The following SCLY variants were observed in gnomAD, a reference collection of about 807,000 sequenced individuals.
SCLY encodes the protein putative selenocysteine lyase.
Under a neutral mutation model 50.1 loss-of-function variants are expected in SCLY, and 38 were observed. The ratio of observed to expected loss-of-function variants is 0.76; its 90% CI spans 0.59 to 0.99. The LOEUF (loss-of-function observed/expected upper bound fraction) is 0.99. SCLY is among the 50% of genes least tolerant of loss of function. The pLI is 0.00. For missense variants in SCLY, 600 were observed against 620.0 expected, an observed-to-expected ratio of 0.97 and a Z score of 0.34; for synonymous variants, 243 against 249.4, an observed-to-expected ratio of 0.97 and a Z score of 0.24.
chr2:238,082,992 G>T, intron 6 of SCLY: 1 of 539,980 alleles, frequency 1.9e-6, no homozygotes, highest in Non-Finnish European at 3.6e-6. Context: ...ATGATGCGCA[G>T]GGGAGAGCTG....
chr2:238,074,205 C>G (rs911130569), intron 4 of SCLY, among the ~76,000 whole-genome samples: 3 of 151,762 alleles, frequency 2.0e-5, no homozygotes, highest in Admixed American at 1.3e-4. Flanking sequence ...ACTTGGGAGG[C>G]TGAGGCAGGA....
At chr2:238,073,396 A>T (rs1326897153) in intron 4 of SCLY, among the ~76,000 whole-genome samples, 1 of 151,766 alleles carries the variant, frequency 6.6e-6, no homozygotes. Flanking sequence ...GCAAAAATCT[A>T]GCTAGGAGTT....
intron 4 of SCLY, among the ~76,000 whole-genome samples, chr2:238,077,189 C>CATTT (rs1284198715): frequency 6.6e-6 from 1 of 152,118 alleles, no homozygotes; most frequent in East Asian, 1.9e-4. Context: ...GGTGCACATA[C>CATTT]ATTTATATTT....
Position 238,069,364 on chromosome 2 carries a change from C to A in SCLY, c.371C>A (p.Thr124Lys). Residue 124 changes from threonine (T) to lysine (K), a missense_variant, in exon 4 of 12, where the codon ACA (threonine) becomes AAA (lysine). Coordinates refer to ENST00000254663, the MANE Select transcript of SCLY (RefSeq NM_016510.7). The surrounding 1 kb of genome is among the most constrained non-coding windows in gnomAD (Gnocchi z 5.0). ...FHANQTSKGHTGGHHSPVKGA... is the reference protein window; with the variant it reads ...FHANQTSKGHKGGHHSPVKGA... ...GCAAACCAGACCTCAAAGGGACACACAGGTGGGCACCACAGCCCAGTGAAG... is the reference window on the plus strand; with the variant it reads ...GCAAACCAGACCTCAAAGGGACACAAAGGTGGGCACCACAGCCCAGTGAAG... The A allele has an allele frequency of 6.2e-7, 1 of 1,614,176 alleles. No homozygotes were observed. The highest frequency in any genetic ancestry group is 8.5e-7 in the Non-Finnish European group (1 of 1,180,002).
intron 1 of SCLY, among the ~76,000 whole-genome samples, chr2:238,062,741 T>C (rs1005602519): frequency 2.0e-5 from 3 of 152,214 alleles, no homozygotes; most frequent in Admixed American, 2.0e-4. Flanking sequence ...GAAAAGATGC[T>C]TCATTTCAAC....
intron 1 of SCLY, among the ~76,000 whole-genome samples, chr2:238,062,729 C>T (rs1164861758): frequency 1.3e-5 from 2 of 152,220 alleles, no homozygotes; most frequent in Non-Finnish European, 2.9e-5. Context: ...TGATTTTGAA[C>T]AGAAAAGATG....
Position 238,064,481 on chromosome 2 carries a change from A to G in SCLY, c.202+12A>G, listed in dbSNP as rs1408736518. 1.6e-5 allele frequency: 25 copies of G among 1,582,984 alleles called. No homozygotes were observed. Among genetic ancestry groups the G allele is most frequent in the Non-Finnish European group, 2.2e-5 (25 of 1,159,032 alleles). On this transcript the variant is annotated intron_variant, in intron 2 of 11. Transcript: ENST00000254663. ...CCCGTATTCAGCAGGTAATTCTAGA[A>G]GATGCACGTGTTCACTGATGGGAGA...
At chr2:238,093,765 CA>C (rs1422509453) in intron 8 of SCLY, 95 bp from the exon 9 acceptor site, 1 of 1,097,434 alleles carries the variant, frequency 9.1e-7, no homozygotes, top group East Asian at 2.6e-5. Flanking sequence ...GGAGAATGAG[CA>C]GTTTCAGGAA....
chr2:238,098,195 T>TC lies in SCLY; in HGVS notation c.1185-3dup, dbSNP rs769520267. 6.8e-7 allele frequency: 1 copy of TC among 1,475,046 alleles called. No homozygotes were observed. Among genetic ancestry groups the TC allele is most frequent in the Non-Finnish European group, 9.2e-7 (1 of 1,092,276 alleles). 91.4% of individuals were successfully genotyped at this position (1,475,046 alleles called of 1,614,324 possible). On this transcript the variant is annotated splice_polypyrimidine_tract_variant and splice_region_variant and intron_variant, in intron 11 of 11. Transcript: ENST00000254663. The stretch of plus-strand genomic sequence containing the variant: ...CAGCAGCTGCAGCTCGGTCTCGCCC[T>TC]CCCCAGGCCGTCCCCAGTGCTGCTG...
intron 4 of SCLY, among the ~76,000 whole-genome samples, chr2:238,076,281 G>T (rs1035107422): frequency 2.0e-5 from 3 of 151,990 alleles, no homozygotes; most frequent in African/African-American, 7.2e-5. Flanking sequence ...TAATAGAGAC[G>T]GGGTTTTGCC....
rs765893713 is a variant in SCLY, at chr2:238,096,871, G to A, written c.1179G>A (p.Gly393=). The part of the protein sequence containing the change: ...SVGAACHSDH[G]DQPSPVLLSY... ...GGGCCGCGTGCCACTCGGACCACGG[G>A]GACCAGTAAGTGCTCTTCACAAACC... The change falls in exon 11 of 12, where the codon GGG becomes GGA. Residue 393 remains glycine (G), a synonymous_variant. Transcript: ENST00000254663. 1 of 1,609,740 alleles carries A rather than the reference G, an allele frequency of 6.2e-7. No homozygotes were observed. Among genetic ancestry groups the A allele is most frequent in the South Asian group, 1.1e-5 (1 of 90,246 alleles).
intron 10 of SCLY, chr2:238,095,400 TG>T (rs1328578286): frequency 1.3e-5 from 2 of 152,204 alleles, no homozygotes; most frequent in African/African-American, 4.8e-5. Flanking sequence ...GAGGTTATAG[TG>T]GCCCTGAGAT....
At chr2:238,071,937 C>A (rs1451699396) in intron 4 of SCLY, among the ~76,000 whole-genome samples, 3 of 151,988 alleles carry the variant, frequency 2.0e-5, no homozygotes, top group African/African-American at 7.3e-5. Flanking sequence ...AGTGTGCTCA[C>A]CAGGTTGTGC....
intron 4 of SCLY, chr2:238,079,971 C>T (rs893082305): frequency 1.3e-5 from 2 of 152,180 alleles, no homozygotes; most frequent in African/African-American, 4.8e-5. Flanking sequence ...TTATCTTTCT[C>T]ATGTTTTTCC....
chr2:238,091,550 C>CTTG, intron 8 of SCLY: 1 of 408,672 alleles, frequency 2.4e-6, no homozygotes, highest in South Asian at 2.5e-5. Context: ...GCAGGTTCAC[C>CTTG]ATTCCCAAAG....
chr2:238,085,938 C>T (rs1431983411), intron 7 of SCLY, among the ~76,000 whole-genome samples: 9 of 152,066 alleles, frequency 5.9e-5, no homozygotes, highest in Admixed American at 2.0e-4. Context: ...ATAGCATAAA[C>T]GCAAAGAAAT....
Position 238,098,485 on chromosome 2 carries a change from T to A in SCLY, c.*130T>A. The A allele has an allele frequency of 1.8e-6, 2 of 1,100,588 alleles. No individual in the cohort carries two copies. The highest frequency in any genetic ancestry group is 2.5e-6 in the Non-Finnish European group (2 of 793,576). The allele number at this position is 1,100,588 out of a possible 1,614,324, so 68.2% of individuals were successfully genotyped here. On this transcript the variant is annotated 3_prime_UTR_variant, in exon 12 of 12. Transcript: ENST00000254663. The stretch of plus-strand genomic sequence containing the variant: ...GCCCCCTCTGCATTTTGTCCTGGAG[T>A]GCCAGCGAGTGTGCACCCCCAGTTT...
At chr2:238,077,752 G>A (rs567972018) in intron 4 of SCLY, among the ~76,000 whole-genome samples, 57 of 152,290 alleles carry the variant, frequency 3.7e-4, no homozygotes, top group Non-Finnish European at 7.1e-4. Flanking sequence ...ATACCTGAAT[G>A]TATCTGACCC....
chr2:238,076,108 T>A (rs1260178113), intron 4 of SCLY, among the ~76,000 whole-genome samples: 3 of 151,794 alleles, frequency 2.0e-5, no homozygotes, highest in Non-Finnish European at 4.4e-5. Flanking sequence ...GTATTTTTTT[T>A]TTTTTTGAGA....
Sources: gnomAD v4.1 joint callset for allele counts (sites outside exome capture counted in the v4.1 genomes callset) on GRCh38, gnomAD v4.1.1 for gene constraint, Gnocchi (gnomAD v3.1) non-coding constraint, MANE v1.5 for transcripts, NCBI Gene and HGNC (gene_info 2026-07-23, HGNC 2026-07-21) for gene names.